OPRL1: variants seen among roughly 807,000 people sequenced by gnomAD.
OPRL1 encodes opioid related nociceptin receptor 1.
OPRL1 carries 5 observed loss-of-function variants against 15.5 expected under a neutral mutation model. The ratio of observed to expected loss-of-function variants is 0.32; its 90% confidence interval spans 0.17 to 0.68. The LOEUF is 0.68. Ranked by LOEUF, OPRL1 falls within the 30% of genes least tolerant of loss-of-function variation. The pLI, the probability that OPRL1 is intolerant of heterozygous loss-of-function variation, is 0.72. For missense variants in OPRL1, 406 were observed against 515.3 expected, an observed-to-expected ratio of 0.79 and a Z score of 2.05; for synonymous variants, 223 against 230.2, an observed-to-expected ratio of 0.97 and a Z score of 0.28.
At chr20:64,088,684 ATCTGTGCAGGGAGGCCAGGG>A (rs2060082405) in intron 1 of OPRL1, among the ~76,000 whole-genome samples, 4,208 of 138,828 alleles carry the variant, frequency 0.03, 674 homozygotes, top group Middle Eastern at 0.064. Context: ...AGTGGCCAGG[ATCTGTGCAGGGAGGCCAGGG>A]TCTGTGCAGA....
In OPRL1 at chr20:64,083,663, G is replaced by C. The variant is rs761803506; in HGVS notation, c.-185+3311G>C. 11 of 1,436,514 alleles carry C rather than the reference G, an allele frequency of 7.7e-6. No homozygotes were observed. The South Asian group carries it at 1.4e-4, about 18-fold the overall frequency. The allele number at this position is 1,436,514 out of a possible 1,614,324, so 89.0% of individuals were successfully genotyped here. ...AACAGCTCCAGCCGGATGGCGGCGC[G>C]CGCGGACTTCTGCCGCTGGATGAGC... On this transcript the variant is annotated intron_variant, in intron 1 of 4. Coordinates refer to ENST00000336866, the MANE Select transcript of OPRL1 (RefSeq NM_182647.4). This position sits in a 1 kb window ranked among gnomAD's most constrained non-coding sequence, Gnocchi z 4.9.
intron 1 of OPRL1, chr20:64,084,054 G>A: frequency 6.7e-7 from 1 of 1,500,086 alleles, no homozygotes; most frequent in Non-Finnish European, 8.8e-7. Flanking sequence ...CGCTGCGCAG[G>A]GAGCATGGCC....
intron 3 of OPRL1, among the ~76,000 whole-genome samples, chr20:64,095,769 C>T (rs187608138): frequency 4.6e-5 from 7 of 152,018 alleles, no homozygotes; most frequent in African/African-American, 1.2e-4. Context: ...GGGCCCCAAC[C>T]GGAGGTGTTA....
rs551282090 is a variant in OPRL1 at position 64,097,408 on chromosome 20, A to G, written c.234-394A>G. 1.1e-3 allele frequency among the ~76,000 whole-genome samples: 165 copies of G among 152,258 alleles called. 2 individuals are homozygous for G. In the South Asian group the frequency reaches 0.013, roughly 12 times the overall value. On this transcript the variant is annotated intron_variant, in intron 3 of 4. Coordinates refer to ENST00000336866, the MANE Select transcript of OPRL1 (RefSeq NM_182647.4). This position sits in a 1 kb window ranked among gnomAD's most constrained non-coding sequence, Gnocchi z 4.2. ...TCAGCATTTGAGTCTGTGAGGGGTCATGGAGGGGACTCAAAAGCAAGGGGA... is the reference window on the plus strand; with the variant it reads ...TCAGCATTTGAGTCTGTGAGGGGTCGTGGAGGGGACTCAAAAGCAAGGGGA...
chr20:64,098,709 G>A lies in OPRL1; in HGVS notation c.1023G>A (p.Arg341=). 1 of 1,612,580 alleles carries A rather than the reference G, an allele frequency of 6.2e-7. No homozygotes were observed. The highest frequency in any genetic ancestry group is 8.5e-7 in the Non-Finnish European group (1 of 1,179,980). ...TCTGCTGTGCATCTGCCCTGCGCCGGGACGTGCAGGTGTCTGACCGCGTGC... is the reference window on the plus strand; with the variant it reads ...TCTGCTGTGCATCTGCCCTGCGCCGAGACGTGCAGGTGTCTGACCGCGTGC... ...RKFCCASALR[R]DVQVSDRVRS... The change falls in exon 5 of 5, where the codon CGG becomes CGA. Residue 341 remains arginine, a synonymous_variant. Coordinates refer to ENST00000336866, the MANE Select transcript of OPRL1 (RefSeq NM_182647.4).
intron 1 of OPRL1, among the ~76,000 whole-genome samples, chr20:64,081,908 T>G (rs2059972090): frequency 6.6e-6 from 1 of 152,236 alleles, no homozygotes; most frequent in Non-Finnish European, 1.5e-5. Flanking sequence ...CCCTCTTCCC[T>G]CTTGCCTGTC....
intron 1 of OPRL1, among the ~76,000 whole-genome samples, chr20:64,088,107 T>A (rs531998145): frequency 6.6e-6 from 1 of 152,354 alleles, no homozygotes; most frequent in South Asian, 2.1e-4. Context: ...GGATATCTGC[T>A]GAGACCAGAG....
Position 64,090,108 on chromosome 20 carries a change from G to A in OPRL1, c.-184-1858G>A, listed in dbSNP as rs1353162464. ...ATGCACACTCTAGGTCTACCCATGT[G>A]CCTGCGTGCACGTTGGCGTCATCTT... On this transcript the variant is annotated intron_variant, in intron 1 of 4. Coordinates refer to ENST00000336866, the MANE Select transcript of OPRL1 (RefSeq NM_182647.4). This position sits in a 1 kb window ranked among gnomAD's most constrained non-coding sequence, Gnocchi z 4.9. Among the ~76,000 whole-genome samples, 1 of 152,234 alleles carries A rather than the reference G, an allele frequency of 6.6e-6. No individual in the cohort carries two copies. The highest frequency in any genetic ancestry group is 1.5e-5 in the Non-Finnish European group (1 of 68,042).
intron 1 of OPRL1, among the ~76,000 whole-genome samples, chr20:64,084,743 G>T (rs1235377466): frequency 2.0e-5 from 3 of 152,192 alleles, no homozygotes; most frequent in Non-Finnish European, 4.4e-5. Context: ...CAAAAGCCCA[G>T]CTGGCTCCTC....
In OPRL1 at chr20:64,089,620, T is replaced by G. The variant is rs1421935287; in HGVS notation, c.-184-2346T>G. 6.6e-6 allele frequency among the ~76,000 whole-genome samples: 1 copy of G among 152,086 alleles called. No individual in the cohort carries two copies. The highest frequency in any genetic ancestry group is 1.9e-4 in the East Asian group (1 of 5,196). On this transcript the variant is annotated intron_variant, in intron 1 of 4. Coordinates refer to ENST00000336866, the MANE Select transcript of OPRL1 (RefSeq NM_182647.4). This position sits in a 1 kb window ranked among gnomAD's most constrained non-coding sequence, Gnocchi z 5.5. ...ACCCCTCATCCTCCCTGTCTCTGCCTGTAGGGAGGAAGCTGTGGGGTGACC... is the reference window on the plus strand; with the variant it reads ...ACCCCTCATCCTCCCTGTCTCTGCCGGTAGGGAGGAAGCTGTGGGGTGACC...
Position 64,100,111 on chromosome 20 carries a change from G to A in OPRL1, c.*1312G>A, listed in dbSNP as rs796103519. On this transcript the variant is annotated 3_prime_UTR_variant, in exon 5 of 5. Coordinates refer to ENST00000336866, the MANE Select transcript of OPRL1 (RefSeq NM_182647.4). ...GGCTGTGAGGACACTGCGGGGGTTG[G>A]GGGGGGGGCGTCTGTACCTCAGGGG... The A allele has an allele frequency of 1.4e-3, 121 of 88,838 alleles. No individual in the cohort carries two copies. Among genetic ancestry groups the A allele is most frequent in the African/African-American group, 5.9e-3 (115 of 19,500 alleles). 5.5% of individuals were successfully genotyped at this position (88,838 alleles called of 1,614,324 possible).
intron 1 of OPRL1, among the ~76,000 whole-genome samples, chr20:64,088,762 A>G (rs1413969021): frequency 1.5e-3 from 157 of 105,918 alleles, no homozygotes; most frequent in South Asian, 1.7e-3. Flanking sequence ...AGTGGCCAGG[A>G]TCTGTGCAGG....
At chr20:64,096,009 C>T (rs535304814) in intron 3 of OPRL1, among the ~76,000 whole-genome samples, 9 of 152,246 alleles carry the variant, frequency 5.9e-5, no homozygotes, top group Non-Finnish European at 1.0e-4. Context: ...TCCCTCCCCA[C>T]TGCTGACTCC....
chr20:64,098,200 T>C, intron 4 of OPRL1, 43 bp downstream of exon 4: 1 of 1,604,648 alleles, frequency 6.2e-7, no homozygotes, highest in Non-Finnish European at 8.5e-7. Context: ...GCTCCCTGGC[T>C]CCCGGGTGGC....
intron 1 of OPRL1, among the ~76,000 whole-genome samples, chr20:64,082,407 G>C (rs2059976709): frequency 6.6e-6 from 1 of 152,228 alleles, no homozygotes; most frequent in African/African-American, 2.4e-5. Context: ...ACGGGGAGAA[G>C]GGCTGGCTGA....
rs370985309 is a variant in OPRL1, at chr20:64,081,350, C to T, written c.-185+998C>T. ...CACAGGTGAGGTCAGGGAAGCTCAACGAAGATGGGCCAGCACCTGGCCCAG... is the reference window on the plus strand; with the variant it reads ...CACAGGTGAGGTCAGGGAAGCTCAATGAAGATGGGCCAGCACCTGGCCCAG... On this transcript the variant is annotated intron_variant, in intron 1 of 4. Coordinates refer to ENST00000336866, the MANE Select transcript of OPRL1 (RefSeq NM_182647.4). Among the ~76,000 whole-genome samples the T allele has an allele frequency of 2.5e-3, 384 of 152,330 alleles. 19 individuals are homozygous for T. In the South Asian group the frequency reaches 0.064, roughly 25 times the overall value.
In OPRL1 at chr20:64,097,685, T is replaced by C. The variant is rs796338731; in HGVS notation, c.234-117T>C. On this transcript the variant is annotated intron_variant, in intron 3 of 4. Coordinates refer to ENST00000336866, the MANE Select transcript of OPRL1 (RefSeq NM_182647.4). The surrounding 1 kb of genome is among the most constrained non-coding windows in gnomAD (Gnocchi z 4.2). The stretch of plus-strand genomic sequence containing the variant: ...TACCAAGCCCCCATGGGAACTCTGA[T>C]GTTAAGGGACTCAGGGCCACTGTAG... 5 of 860,110 alleles carry C rather than the reference T, an allele frequency of 5.8e-6. No individual in the cohort carries two copies. In the African/African-American group the frequency reaches 6.7e-5, roughly 12 times the overall value. The allele number at this position is 860,110 out of a possible 1,614,324, so 53.3% of individuals were successfully genotyped here. A position where few individuals can be genotyped will look rare whatever the true frequency, so the allele number is the denominator to read the frequency against.
At position 64,083,853 on chromosome 20, in the gene OPRL1, C is replaced by G. The variant is rs1470195550; in HGVS notation, c.-185+3501C>G. 7 of 1,409,436 alleles carry G rather than the reference C, an allele frequency of 5.0e-6. No homozygotes were observed. The highest frequency in any genetic ancestry group is 3.1e-5 in the East Asian group (1 of 32,448). 87.3% of individuals were successfully genotyped at this position (1,409,436 alleles called of 1,614,324 possible). A position where few individuals can be genotyped will look rare whatever the true frequency, so the allele number is the denominator to read the frequency against. ...GTGTAGCGCAGCCGCAGGGCGCGGA[C>G]TCGCCCGCGGGCCTCCGCTGCCTTG... On this transcript the variant is annotated intron_variant, in intron 1 of 4. Coordinates refer to ENST00000336866, the MANE Select transcript of OPRL1 (RefSeq NM_182647.4). This position sits in a 1 kb window ranked among gnomAD's most constrained non-coding sequence, Gnocchi z 4.9.
rs886667094 is a variant in OPRL1, at chr20:64,089,871, G to A, written c.-184-2095G>A. On this transcript the variant is annotated intron_variant, in intron 1 of 4. Transcript: ENST00000336866. The surrounding 1 kb of genome is among the most constrained non-coding windows in gnomAD (Gnocchi z 5.5). ...AGGCAGGCTCAGGAAGCTCGGGTAG[G>A]AGGGTCTAGGGTCTCCTGCTCAGAC... is the stretch of plus-strand genomic sequence containing the variant. 2.0e-5 allele frequency among the ~76,000 whole-genome samples: 3 copies of A among 152,206 alleles called. No homozygotes were observed. Among genetic ancestry groups the A allele is most frequent in the Admixed American group, 6.5e-5 (1 of 15,290 alleles).
Sources: allele counts gnomAD v4.1 joint callset (sites outside exome capture counted in the v4.1 genomes callset), GRCh38; gene constraint gnomAD v4.1.1; non-coding constraint Gnocchi (gnomAD v3.1); transcripts MANE v1.5; gene names NCBI Gene and HGNC (gene_info 2026-07-23, HGNC 2026-07-21).